Variants in APPL2 observed in about 807,000 individuals in gnomAD.
The protein encoded by APPL2 is DCC-interacting protein 13-beta.
In APPL2, 84 loss-of-function variants were observed where a neutral mutation model predicts 92.7. The observed-to-expected ratio is 0.91, with a 90% CI of 0.76 to 1.09. The LOEUF is 1.09. Among genes scored for constraint, APPL2 ranks in the 50% least tolerant of loss-of-function variants. APPL2 has a pLI of 0.00. For synonymous variants in APPL2, 291 were observed against 291.0 expected (o/e 1.00, Z 0.00); for missense variants, 736 against 824.5 (o/e 0.89, Z 1.31).
At position 105,176,888 on chromosome 12, in the gene APPL2, T is replaced by A; in HGVS notation, c.1800A>T (p.Ser600=). 6.2e-7 allele frequency: 1 copy of A among 1,614,052 alleles called. No individual in the cohort carries two copies. The highest frequency in any genetic ancestry group is 8.5e-7 in the Non-Finnish European group (1 of 1,179,974). ...SLSTYIFESN[S]EGEKICYAIN... ...ATGAAAAAGAGACCTTTTCGCCTTC[T>A]GAGTTGCTTTCAAAAATGTATGTAC... The change falls in exon 19 of 21, where the codon TCA becomes TCT. Residue 600 remains serine, a synonymous_variant. Coordinates refer to ENST00000258530, the MANE Select transcript of APPL2 (RefSeq NM_018171.5).
At chr12:105,195,891 C>CA (rs1887598844) in intron 11 of APPL2, among the ~76,000 whole-genome samples, 1 of 151,770 alleles carries the variant, frequency 6.6e-6, no homozygotes, top group African/African-American at 2.4e-5. Context: ...CCCCTCTCTA[C>CA]AAAAAATACA....
intron 17 of APPL2, among the ~76,000 whole-genome samples, chr12:105,186,627 C>CATATATATGATATCGATATCATAT (rs369194401): frequency 2.0e-5 from 2 of 100,290 alleles, no homozygotes; most frequent in Admixed American, 9.6e-5. Flanking sequence ...ATATATATAT[C>CATATATATGATATCGATATCATAT]ATATATATCA....
chr12:105,214,111 G>A (rs1342347771), intron 4 of APPL2, among the ~76,000 whole-genome samples: 2 of 152,136 alleles, frequency 1.3e-5, no homozygotes, highest in Admixed American at 6.6e-5. Flanking sequence ...GCTTAAACCC[G>A]GGAGGCAGAG....
At position 105,211,235 on chromosome 12, in the gene APPL2, A is replaced by T. The variant is rs1171049706; in HGVS notation, c.368T>A (p.Leu123His). The change falls in exon 5 of 21, where the codon CTC becomes CAC. Residue 123 changes from leucine (L) to histidine (H), a missense_variant. Leu to His is a moderately conservative substitution (Grantham distance 99). Transcript: ENST00000258530. ...ATTGAACTCAGTTACTTTACCTGTG[A>T]GATCCTTTTCTCGGAATTGTATGAT... is the stretch of plus-strand genomic sequence containing the variant. ...LPIIQFREKDLTEVSTLKDLF... is the reference protein window; with the variant it reads ...LPIIQFREKDHTEVSTLKDLF... 6.2e-7 allele frequency: 1 copy of T among 1,611,178 alleles called. No individual in the cohort carries two copies. Among genetic ancestry groups the T allele is most frequent in the South Asian group, 1.1e-5 (1 of 91,004 alleles).
chr12:105,235,328 G>GC (rs1891165760), intron 1 of APPL2: 1 of 152,200 alleles, frequency 6.6e-6, no homozygotes, highest in Admixed American at 6.5e-5. Context: ...GTGTGCTAAT[G>GC]AAGTTCCCTT....
intron 2 of APPL2, among the ~76,000 whole-genome samples, chr12:105,225,592 T>G (rs139455118): frequency 6.6e-6 from 1 of 152,188 alleles, no homozygotes; most frequent in Non-Finnish European, 1.5e-5. Context: ...GTTTGAAAAA[T>G]AGACTGTTCT....
intron 17 of APPL2, among the ~76,000 whole-genome samples, chr12:105,180,720 T>C (rs542999177): frequency 6.6e-6 from 1 of 152,348 alleles, no homozygotes; most frequent in South Asian, 2.1e-4. Flanking sequence ...TTTATTCTCT[T>C]AGTAGCAATT....
At chr12:105,221,171 G>C (rs1259288798) in intron 2 of APPL2, among the ~76,000 whole-genome samples, 2 of 152,242 alleles carry the variant, frequency 1.3e-5, no homozygotes, top group Non-Finnish European at 2.9e-5. Context: ...CCTGTGCCCT[G>C]TGAGGTAGGC....
intron 8 of APPL2, among the ~76,000 whole-genome samples, chr12:105,204,890 C>T (rs1187584415): frequency 6.6e-6 from 1 of 152,190 alleles, no homozygotes; most frequent in African/African-American, 2.4e-5. Context: ...CCTGTCCCGT[C>T]AATGTAACAC....
At chr12:105,190,292 A>G in intron 14 of APPL2, 137 bp from the exon 15 acceptor site, 1 of 989,822 alleles carries the variant, frequency 1.0e-6, no homozygotes, top group Non-Finnish European at 1.5e-6. Context: ...CATTCTACAA[A>G]TAAACCTTCT....
chr12:105,196,881 A>G (rs1276737973), intron 11 of APPL2, among the ~76,000 whole-genome samples: 1 of 152,218 alleles, frequency 6.6e-6, no homozygotes. Context: ...GCAAAGGACC[A>G]TGATGAGCAT....
chr12:105,218,869 T>G (rs542716255), intron 2 of APPL2, among the ~76,000 whole-genome samples: 1 of 152,312 alleles, frequency 6.6e-6, no homozygotes, highest in East Asian at 1.9e-4. Flanking sequence ...CTGGGAGGCC[T>G]GTTTTGTGCC....
At chr12:105,235,895 G>C in intron 1 of APPL2, 64 bp downstream of exon 1, 5 of 1,208,628 alleles carry the variant, frequency 4.1e-6, no homozygotes, top group Non-Finnish European at 5.2e-6. Flanking sequence ...CTCCACTCCG[G>C]GGCTGGAGGG....
In APPL2 at chr12:105,179,994, A is replaced by G. The variant is rs529220364; in HGVS notation, c.1635-2732T>C. Among the ~76,000 whole-genome samples, 41 of 152,290 alleles carry G rather than the reference A, an allele frequency of 2.7e-4. No individual in the cohort carries two copies. In the East Asian group the frequency reaches 6.6e-3, roughly 24 times the overall value. ...TAGTTTAATTAGACCCCATTTGTCA[A>G]TTTTGGCTTTTGTTGCCATTGCTTC... is the stretch of plus-strand genomic sequence containing the variant. On this transcript the variant is annotated intron_variant, in intron 17 of 20. Transcript: ENST00000258530.
chr12:105,234,943 A>T (rs1348894090), intron 1 of APPL2, among the ~76,000 whole-genome samples: 2 of 152,236 alleles, frequency 1.3e-5, no homozygotes, highest in Non-Finnish European at 1.5e-5. Flanking sequence ...CTATGCATAC[A>T]GCCCTTCGGA....
chr12:105,232,763 C>CAAAAAA (rs55939711), intron 1 of APPL2, among the ~76,000 whole-genome samples: 11 of 78,002 alleles, frequency 1.4e-4, no homozygotes, highest in Non-Finnish European at 2.5e-4. Context: ...GACCCTGTCT[C>CAAAAAA]AAAAAAAAAA....
chr12:105,234,716 T>C (rs748547191), intron 1 of APPL2, among the ~76,000 whole-genome samples: 2 of 152,136 alleles, frequency 1.3e-5, no homozygotes, highest in Non-Finnish European at 2.9e-5. Flanking sequence ...ACACAACAGA[T>C]ATGAACATGG....
At chr12:105,190,438 G>C (rs558641887) in intron 14 of APPL2, among the ~76,000 whole-genome samples, 1 of 152,230 alleles carries the variant, frequency 6.6e-6, no homozygotes, top group South Asian at 2.1e-4. Flanking sequence ...GTTTTGGAGG[G>C]CCTATGCTAT....
intron 4 of APPL2, among the ~76,000 whole-genome samples, chr12:105,214,990 A>G (rs1269141644): frequency 6.6e-6 from 1 of 152,206 alleles, no homozygotes; most frequent in Non-Finnish European, 1.5e-5. Context: ...AGGGCACGGA[A>G]GTTCCACGCC....
Sources: allele counts gnomAD v4.1 joint callset (sites outside exome capture counted in the v4.1 genomes callset), GRCh38; gene constraint gnomAD v4.1.1; transcripts MANE v1.5; gene names NCBI Gene and HGNC (gene_info 2026-07-23, HGNC 2026-07-21).